Variants in STK3 observed in about 807,000 individuals in gnomAD.
STK3 encodes serine/threonine kinase 3.
In STK3, 41 loss-of-function variants were observed where a neutral mutation model predicts 58.0. The ratio of observed to expected loss-of-function variants is 0.71; its 90% confidence interval spans 0.55 to 0.92. The LOEUF (loss-of-function observed/expected upper bound fraction) is 0.92, where lower values mean the gene tolerates loss of function less well. Among genes scored for constraint, STK3 ranks in the 40% least tolerant of loss-of-function variants. The pLI is 0.00. For missense variants in STK3, 479 were observed against 602.7 expected, an observed-to-expected ratio of 0.79 and a Z score of 2.15; for synonymous variants, 170 against 191.0, an observed-to-expected ratio of 0.89 and a Z score of 0.91.
downstream of STK3, chr8:98,454,627 G>A (rs922572436): frequency 2.6e-5 from 4 of 152,510 alleles, no homozygotes; most frequent in African/African-American, 7.2e-5. Flanking sequence ...ATACAGAAAC[G>A]AAATATGCTG....
At chr8:98,440,105 A>G (rs1267116489) in intron 1 of STK3, among the ~76,000 whole-genome samples, 1 of 152,204 alleles carries the variant, frequency 6.6e-6, no homozygotes, top group East Asian at 1.9e-4. Flanking sequence ...CCAGCGGGCC[A>G]GTCTAGCCCC....
At chr8:98,506,706 C>T (rs1158324077) in intron 10 of STK3, among the ~76,000 whole-genome samples, 4 of 151,366 alleles carry the variant, frequency 2.6e-5, no homozygotes. Context: ...GAGCAAGACT[C>T]CATCAAAAGA....
intron 4 of STK3, among the ~76,000 whole-genome samples, chr8:98,732,167 A>G (rs770229009): frequency 1.1e-4 from 17 of 152,176 alleles, no homozygotes; most frequent in Non-Finnish European, 2.5e-4. Context: ...AAAGAGACGG[A>G]TAATCTAAGA....
At chr8:98,762,652 GA>G (rs1172331004) in intron 3 of STK3, among the ~76,000 whole-genome samples, 4 of 152,312 alleles carry the variant, frequency 2.6e-5, no homozygotes, top group East Asian at 1.9e-4. Context: ...GTAAAAAGGG[GA>G]TAAGTGTGTG....
At chr8:98,708,788 G>C (rs1826160287) in intron 4 of STK3, among the ~76,000 whole-genome samples, 1 of 152,154 alleles carries the variant, frequency 6.6e-6, no homozygotes, top group South Asian at 2.1e-4. Context: ...TGAGTGAGAA[G>C]TTGAATCAAG....
At chr8:98,604,717 A>G (rs1816635563) in intron 6 of STK3, among the ~76,000 whole-genome samples, 1 of 152,182 alleles carries the variant, frequency 6.6e-6, no homozygotes, top group Non-Finnish European at 1.5e-5. Flanking sequence ...GCACCCTCAA[A>G]TAAGTTTTTC....
upstream of STK3, among the ~76,000 whole-genome samples, chr8:98,392,952 A>T (rs982533170): frequency 6.6e-6 from 1 of 152,054 alleles, no homozygotes; most frequent in Non-Finnish European, 1.5e-5. Flanking sequence ...AGAACCTAGC[A>T]CTCAGATGGG....
intron 6 of STK3, among the ~76,000 whole-genome samples, chr8:98,679,265 T>C (rs546520510): frequency 1.8e-4 from 28 of 152,356 alleles, no homozygotes; most frequent in Middle Eastern, 6.8e-3. Context: ...TTCTAGGCTC[T>C]ATGATCTGGA....
chr8:98,847,238 G>C (rs1294181105), intron 3 of STK3, among the ~76,000 whole-genome samples: 1 of 152,180 alleles, frequency 6.6e-6, no homozygotes, highest in African/African-American at 2.4e-5. Flanking sequence ...TGCAATATAT[G>C]AGGTGAATCA....
intron 1 of STK3, among the ~76,000 whole-genome samples, chr8:98,925,822 A>T (rs1365870455): frequency 6.6e-6 from 1 of 152,188 alleles, no homozygotes; most frequent in East Asian, 1.9e-4. Flanking sequence ...AATAAGATGG[A>T]AATGTGGTTT....
intron 6 of STK3, among the ~76,000 whole-genome samples, chr8:98,674,756 G>A (rs13248540): frequency 2.5e-3 from 381 of 152,248 alleles, no homozygotes; most frequent in Middle Eastern, 6.8e-3. Flanking sequence ...TCAAAAGCAA[G>A]AGAATAATTC....
At chr8:98,828,662 T>G (rs1835418537), upstream of STK3, among the ~76,000 whole-genome samples, 1 of 151,604 alleles carries the variant, frequency 6.6e-6, no homozygotes, top group Non-Finnish European at 1.5e-5. Context: ...AGAAAGAAAA[T>G]AAATGATCCC....
chr8:98,852,348 G>T (rs2131833031), intron 3 of STK3, among the ~76,000 whole-genome samples: 1 of 152,122 alleles, frequency 6.6e-6, no homozygotes, highest in African/African-American at 2.4e-5. Flanking sequence ...TGTCCAGGCT[G>T]GTCTCAAACT....
In STK3 at chr8:98,585,696, T is replaced by A. The variant is rs1462660072; in HGVS notation, c.823-5907A>T. On this transcript the variant is annotated intron_variant, in intron 7 of 10. Transcript: ENST00000419617. Reference sequence around the variant, plus strand: ...GTAAATTACCTTGGGCAGTATGGCCTTTTTCACGATATTGATTCTTCCTAC... The same window carrying A: ...GTAAATTACCTTGGGCAGTATGGCCATTTTCACGATATTGATTCTTCCTAC... Among the ~76,000 whole-genome samples the A allele has an allele frequency of 5.8e-4, 88 of 150,954 alleles. 3 individuals are homozygous for A. Among genetic ancestry groups the A allele is most frequent in the Non-Finnish European group, 5.9e-5 (4 of 67,724 alleles).
chr8:98,744,187 T>C (rs1829467758), intron 4 of STK3, among the ~76,000 whole-genome samples: 1 of 152,144 alleles, frequency 6.6e-6, no homozygotes, highest in African/African-American at 2.4e-5. Flanking sequence ...TCCTCAGGGA[T>C]CTAGAACTAG....
chr8:98,814,024 C>A (rs1834384501), intron 1 of STK3, among the ~76,000 whole-genome samples: 1 of 152,088 alleles, frequency 6.6e-6, no homozygotes, highest in African/African-American at 2.4e-5. Flanking sequence ...GATTTGAGAA[C>A]TAAAAAAGGC....
At chr8:98,364,425 C>T in the STK3 span, among the ~76,000 whole-genome samples, 1 of 152,174 alleles carries the variant, frequency 6.6e-6, no homozygotes, top group African/African-American at 2.4e-5. Context: ...GCCTCTCACA[C>T]TGGGTCTCGG....
chr8:98,685,955 C>A (rs1823967326), intron 6 of STK3, among the ~76,000 whole-genome samples: 1 of 152,042 alleles, frequency 6.6e-6, no homozygotes. Flanking sequence ...TTATCTACAA[C>A]CATATGATCT....
At chr8:98,777,861 C>T (rs1253898539) in intron 1 of STK3, among the ~76,000 whole-genome samples, 1 of 152,110 alleles carries the variant, frequency 6.6e-6, no homozygotes, top group African/African-American at 2.4e-5. Context: ...TTCCTTACAC[C>T]TTATACAAAA....
Sources: allele counts gnomAD v4.1 joint callset (sites outside exome capture counted in the v4.1 genomes callset), GRCh38; gene constraint gnomAD v4.1.1; transcripts MANE v1.5; gene names NCBI Gene and HGNC (gene_info 2026-07-23, HGNC 2026-07-21).